Variants in DNAH14 observed in about 807,000 individuals in gnomAD.
DNAH14 encodes the protein dynein axonemal heavy chain 14.
In DNAH14, 478 loss-of-function variants were observed where a neutral mutation model predicts 520.9. The ratio of observed to expected loss-of-function variants is 0.92; its 90% CI spans 0.85 to 0.99. The LOEUF is 0.99. Ranked by LOEUF, DNAH14 falls within the 50% of genes least tolerant of loss-of-function variation. The probability of loss-of-function intolerance (pLI) is 0.00; values close to 1 mark genes in which losing one functional copy is unlikely to be tolerated. For missense variants in DNAH14, 4,831 were observed against 5,234.5 expected, an observed-to-expected ratio of 0.92 and a Z score of 2.38; for synonymous variants, 1,581 against 1,757.2, an observed-to-expected ratio of 0.90 and a Z score of 2.51.
chr1:225,326,916 AC>A (rs2094684441), intron 64 of DNAH14, among the ~76,000 whole-genome samples: 1 of 152,132 alleles, frequency 6.6e-6, no homozygotes, highest in Admixed American at 6.5e-5. Context: ...TCATAGAACA[AC>A]CAGAAAGAAG....
intron 4 of DNAH14, 78 bp from the exon 5 acceptor site, chr1:224,964,401 A>G: frequency 7.3e-7 from 1 of 1,379,128 alleles, no homozygotes; most frequent in African/African-American, 1.5e-5. Flanking sequence ...ATATAGAAAT[A>G]TTTGTAATAT....
chr1:225,216,935 C>T (rs35352581), intron 41 of DNAH14, among the ~76,000 whole-genome samples: 19,486 of 152,166 alleles, frequency 0.13, 1,415 homozygotes, highest in East Asian at 0.31. Context: ...AGCTTTGTTC[C>T]GTTGCTGTAG....
intron 23 of DNAH14, among the ~76,000 whole-genome samples, chr1:225,104,473 C>G (rs1312439776): frequency 2.0e-5 from 3 of 152,144 alleles, no homozygotes; most frequent in African/African-American, 7.2e-5. Flanking sequence ...CCAGCTCCTC[C>G]TTGTATCTCT....
Position 225,177,217 on chromosome 1 carries a change from G to A in DNAH14, c.5536-8074G>A, listed in dbSNP as rs570920908. 1.2e-4 allele frequency among the ~76,000 whole-genome samples: 18 copies of A among 152,302 alleles called. No homozygotes were observed. The South Asian group carries it at 2.7e-3, about 23-fold the overall frequency. On this transcript the variant is annotated intron_variant, in intron 36 of 85. Transcript: ENST00000682510. Reference sequence around the variant, plus strand: ...CATTTTGCCCCTGCCCTAGAGATTTGTGGAACTTTGAACTTGAGAGAAATG... The same window carrying A: ...CATTTTGCCCCTGCCCTAGAGATTTATGGAACTTTGAACTTGAGAGAAATG...
chr1:225,285,783 G>A (rs1467767506), intron 54 of DNAH14, among the ~76,000 whole-genome samples: 3 of 152,026 alleles, frequency 2.0e-5, no homozygotes, highest in African/African-American at 7.2e-5. Context: ...CTTAAGCCCA[G>A]GAATTCACGG....
At chr1:225,320,369 G>A (rs574970884) in intron 61 of DNAH14, among the ~76,000 whole-genome samples, 12 of 152,360 alleles carry the variant, frequency 7.9e-5, no homozygotes, top group African/African-American at 2.6e-4. Flanking sequence ...CTCTGATCAA[G>A]TAGGCCCTTT....
At chr1:225,041,126 C>G (rs2067440254) in intron 12 of DNAH14, among the ~76,000 whole-genome samples, 1 of 152,176 alleles carries the variant, frequency 6.6e-6, no homozygotes, top group African/African-American at 2.4e-5. Flanking sequence ...ACTAAGGTGG[C>G]CTAAATTTAT....
At chr1:225,363,133 C>A (rs2095512137) in intron 75 of DNAH14, among the ~76,000 whole-genome samples, 1 of 152,084 alleles carries the variant, frequency 6.6e-6, no homozygotes, top group African/African-American at 2.4e-5. Flanking sequence ...TCTCTATCTC[C>A]AAATTCTTAA....
intron 55 of DNAH14, among the ~76,000 whole-genome samples, chr1:225,296,225 A>G (rs1017911669): frequency 6.6e-6 from 1 of 151,992 alleles, no homozygotes; most frequent in African/African-American, 2.4e-5. Flanking sequence ...CAGCCAGTCT[A>G]TATCTTTTCT....
chr1:225,150,798 C>T (rs2080429909), intron 31 of DNAH14, among the ~76,000 whole-genome samples: 1 of 152,044 alleles, frequency 6.6e-6, no homozygotes, highest in Admixed American at 6.6e-5. Context: ...GGCATGATCT[C>T]GGCTTACTGC....
At chr1:225,373,277 T>C (rs939016205) in intron 77 of DNAH14, among the ~76,000 whole-genome samples, 2 of 150,744 alleles carry the variant, frequency 1.3e-5, no homozygotes, top group Admixed American at 1.3e-4. Context: ...GATCACGAGG[T>C]CAGGAGATCG....
chr1:224,950,514 T>C (rs970221244), intron 1 of DNAH14, among the ~76,000 whole-genome samples: 1 of 152,246 alleles, frequency 6.6e-6, no homozygotes, highest in African/African-American at 2.4e-5. Flanking sequence ...TTGTCTGATA[T>C]GAAAAAAGTA....
chr1:225,202,997 G>T (rs1167721275), intron 38 of DNAH14, among the ~76,000 whole-genome samples: 2 of 152,162 alleles, frequency 1.3e-5, no homozygotes, highest in Non-Finnish European at 2.9e-5. Flanking sequence ...TGTGTGTTTG[G>T]GGGTGGATGA....
At chr1:224,961,183 C>A (rs572569508) in intron 4 of DNAH14, 1 of 152,248 alleles carries the variant, frequency 6.6e-6, no homozygotes, top group Admixed American at 6.5e-5. Flanking sequence ...CCTGAGGGAG[C>A]TTGGAAGCAG....
At chr1:224,948,214 T>C (rs777489544) in intron 1 of DNAH14, among the ~76,000 whole-genome samples, 5 of 151,924 alleles carry the variant, frequency 3.3e-5, no homozygotes, top group Non-Finnish European at 5.9e-5. Flanking sequence ...CAATATATAT[T>C]ATATGTTTAC....
intron 4 of DNAH14, among the ~76,000 whole-genome samples, chr1:224,963,795 TA>T (rs2060986623): frequency 6.6e-6 from 1 of 152,124 alleles, no homozygotes; most frequent in African/African-American, 2.4e-5. Flanking sequence ...TGCCTCATCC[TA>T]GTTATAATAG....
intron 73 of DNAH14, among the ~76,000 whole-genome samples, chr1:225,356,484 T>A (rs1345851947): frequency 1.3e-5 from 2 of 152,228 alleles, no homozygotes; most frequent in African/African-American, 4.8e-5. Context: ...ATTTTTGTTA[T>A]CTATCTGACA....
chr1:225,001,288 A>G (rs1004980587), intron 8 of DNAH14, among the ~76,000 whole-genome samples: 4 of 152,052 alleles, frequency 2.6e-5, no homozygotes, highest in African/African-American at 7.2e-5. Context: ...TGTAATGTCC[A>G]GAGTTTTTAG....
chr1:225,215,478 C>T (rs767704244), intron 41 of DNAH14, among the ~76,000 whole-genome samples: 4 of 152,084 alleles, frequency 2.6e-5, no homozygotes, highest in Admixed American at 6.6e-5. Flanking sequence ...CTTTCTGTCT[C>T]GTTGATCTGT....
Sources: gnomAD v4.1 joint callset for allele counts (sites outside exome capture counted in the v4.1 genomes callset) on GRCh38, gnomAD v4.1.1 for gene constraint, MANE v1.5 for transcripts, NCBI Gene and HGNC (gene_info 2026-07-23, HGNC 2026-07-21) for gene names.